The following PCAT7 variants were observed in gnomAD, a reference collection of about 807,000 sequenced individuals.
PCAT7 encodes the protein prostate cancer associated transcript 7, also known as prostate cancer associated transcript 7 (non-protein coding).
Position 94,571,518 on chromosome 9 carries a change from C to A in PCAT7, n.442-1461C>A, listed in dbSNP as rs201554574. The A allele has an allele frequency of 4.2e-5, 67 of 1,613,890 alleles. No homozygotes were observed. The East Asian group carries it at 9.1e-4, about 22-fold the overall frequency. On this transcript the variant is annotated intron_variant and non_coding_transcript_variant, in intron 2 of 8. Transcript: ENST00000647389. ...CCTGTGGAGAGAGCCACCAGGGTTG[C>A]ACTACCGTACAGCGCATAACCTGCG...
At chr9:94,567,504 G>T in intron 2 of PCAT7, 2 of 1,422,760 alleles carry the variant, frequency 1.4e-6, no homozygotes, top group Non-Finnish European at 1.9e-6. Flanking sequence ...ATGGGGGCCT[G>T]CTGGCAGAGC....
intron 2 of PCAT7, among the ~76,000 whole-genome samples, chr9:94,562,040 T>C (rs12683919): frequency 6.6e-6 from 1 of 151,988 alleles, no homozygotes; most frequent in Non-Finnish European, 1.5e-5. Context: ...CGCCGGGCGC[T>C]GTGACTCATA....
chr9:94,565,227 T>C (rs1455298100), intron 2 of PCAT7, among the ~76,000 whole-genome samples: 1 of 151,910 alleles, frequency 6.6e-6, no homozygotes, highest in Non-Finnish European at 1.5e-5. Context: ...TACAAAATAT[T>C]AGCTGGGCAT....
At chr9:94,558,080 C>G (rs759269638) in intron 1 of PCAT7, among the ~76,000 whole-genome samples, 12 of 152,202 alleles carry the variant, frequency 7.9e-5, no homozygotes, top group Non-Finnish European at 1.6e-4. Context: ...ATTTTCCATT[C>G]AAACTGTGAT....
At chr9:94,554,634 G>C (rs1826977029), upstream of PCAT7, among the ~76,000 whole-genome samples, 1 of 152,236 alleles carries the variant, frequency 6.6e-6, no homozygotes, top group Non-Finnish European at 1.5e-5. Context: ...GAGGCGAGCC[G>C]CGGAGGCGCA....
At chr9:94,572,042 C>T (rs558778538) in intron 2 of PCAT7, among the ~76,000 whole-genome samples, 2 of 152,272 alleles carry the variant, frequency 1.3e-5, no homozygotes, top group South Asian at 4.2e-4. Flanking sequence ...GCAAAACCAC[C>T]TAAGATTAAC....
chr9:94,572,322 GAC>G (rs149084114), intron 2 of PCAT7, among the ~76,000 whole-genome samples: 1 of 151,864 alleles, frequency 6.6e-6, no homozygotes, highest in Non-Finnish European at 1.5e-5. Context: ...CGTCTCCCAC[GAC>G]ACACACACAC....
chr9:94,574,208 T>G (rs1035695226), intron 3 of PCAT7, among the ~76,000 whole-genome samples: 2 of 152,200 alleles, frequency 1.3e-5, no homozygotes, highest in Non-Finnish European at 1.5e-5. Context: ...AATAATTAAA[T>G]AATTGGGTAA....
At chr9:94,570,444 G>C (rs1456107427) in intron 2 of PCAT7, 2 of 152,176 alleles carry the variant, frequency 1.3e-5, no homozygotes, top group African/African-American at 2.4e-5. Context: ...ATATCTCATA[G>C]GGCCACTGTG....
chr9:94,572,955 A>G (rs939093667), intron 2 of PCAT7: 30 of 152,098 alleles, frequency 2.0e-4, no homozygotes, highest in African/African-American at 6.3e-4. Context: ...TAGTTCTAGA[A>G]GTGTTTTGGT....
At position 94,567,485 on chromosome 9, in the gene PCAT7, CAGG is replaced by C. The variant is rs1022626541; in HGVS notation, n.442-5491_442-5489del. On this transcript the variant is annotated intron_variant and non_coding_transcript_variant, in intron 2 of 8. Transcript: ENST00000647389. ...CAACCGCACAATCCCCACATCAGAG[CAGG>C]AGAAGATGGGGGCCTGCTGGCAGAG... 96 of 1,561,376 alleles carry C rather than the reference CAGG, an allele frequency of 6.1e-5. No individual in the cohort carries two copies. The Middle Eastern group carries it at 3.1e-3, about 50-fold the overall frequency.
intron 3 of PCAT7, among the ~76,000 whole-genome samples, chr9:94,574,240 A>C (rs1827295639): frequency 6.6e-6 from 1 of 152,206 alleles, no homozygotes; most frequent in Non-Finnish European, 1.5e-5. Context: ...TACATATTGA[A>C]AAATTGTCCT....
intron 2 of PCAT7, chr9:94,570,386 T>C (rs907767205): frequency 6.6e-6 from 1 of 152,186 alleles, no homozygotes; most frequent in Admixed American, 6.5e-5. Flanking sequence ...TTACTCACTC[T>C]CTCTACGCCT....
chr9:94,564,681 G>A (rs933901030), intron 2 of PCAT7, among the ~76,000 whole-genome samples: 2 of 151,950 alleles, frequency 1.3e-5, no homozygotes, highest in Middle Eastern at 3.2e-3. Context: ...GAGGGAGGAG[G>A]GGGAGGAGCA....
At chr9:94,562,106 T>G (rs911603802) in intron 2 of PCAT7, among the ~76,000 whole-genome samples, 5 of 151,904 alleles carry the variant, frequency 3.3e-5, no homozygotes, top group Non-Finnish European at 7.4e-5. Context: ...GGTCAGGAGA[T>G]CGAGACCATC....
At chr9:94,567,172 C>T (rs1827201725) in intron 2 of PCAT7, 1 of 1,257,400 alleles carries the variant, frequency 8.0e-7, no homozygotes, top group Admixed American at 1.8e-5. Flanking sequence ...TAAACAGTGG[C>T]ACCAACCTCT....
At position 94,565,385 on chromosome 9, in the gene PCAT7, A is replaced by AAAAAAAAAG. The variant is rs773350863; in HGVS notation, n.441+6234_441+6235insAAAAAAAGA. Among the ~76,000 whole-genome samples, 4 of 134,916 alleles carry AAAAAAAAAG rather than the reference A, an allele frequency of 3.0e-5. 2 individuals are homozygous for AAAAAAAAAG. The highest frequency in any genetic ancestry group is 1.6e-4 in the Admixed American group (2 of 12,778). The allele number at this position is 134,916 out of a possible 152,430, so 88.5% of individuals were successfully genotyped here. A position where few individuals can be genotyped will look rare whatever the true frequency, so the allele number is the denominator to read the frequency against. ...CTCCACCTCAAAAAAAAAAAAAAAA[A>AAAAAAAAAG]AGATGTTCCCAGTGGGGTTTTTGAG... is the stretch of plus-strand genomic sequence containing the variant. On this transcript the variant is annotated intron_variant and non_coding_transcript_variant, in intron 2 of 8. Transcript: ENST00000647389.
chr9:94,574,084 T>C (rs1303212688), intron 3 of PCAT7, among the ~76,000 whole-genome samples: 2 of 152,208 alleles, frequency 1.3e-5, no homozygotes, highest in Non-Finnish European at 2.9e-5. Context: ...TGTATGCATG[T>C]GGAGTTGTTT....
intron 3 of PCAT7, among the ~76,000 whole-genome samples, chr9:94,573,341 C>T (rs1257305623): frequency 6.6e-6 from 1 of 152,168 alleles, no homozygotes; most frequent in East Asian, 1.9e-4. Flanking sequence ...TCACTGCAGC[C>T]TCCAACTCCT....
Sources: allele counts gnomAD v4.1 joint callset (sites outside exome capture counted in the v4.1 genomes callset), GRCh38; gene constraint gnomAD v4.1.1; transcripts MANE v1.5; gene names NCBI Gene and HGNC (gene_info 2026-07-23, HGNC 2026-07-21).